GPR85: variants seen among roughly 807,000 people sequenced by gnomAD.
GPR85 encodes G protein-coupled receptor 85.
In GPR85, 7 loss-of-function variants were observed where a neutral mutation model predicts 21.3. The ratio of observed to expected loss-of-function variants is 0.33; its 90% CI spans 0.19 to 0.62. GPR85 has a LOEUF of 0.62. GPR85 is among the 20% of genes least tolerant of loss of function. The pLI is 0.80. For synonymous variants in GPR85, 167 were observed against 166.1 expected (o/e 1.01, Z -0.04); for missense variants, 299 against 443.8 (o/e 0.67, Z 2.93).
Position 113,086,424 on chromosome 7 carries a change from GTTTTTT to G in GPR85, c.-397_-392del, listed in dbSNP as rs1245422095. The G allele has an allele frequency of 2.2e-4, 14 of 63,866 alleles. No homozygotes were observed. Among genetic ancestry groups the G allele is most frequent in the African/African-American group, 6.6e-4 (10 of 15,246 alleles). The allele number at this position is 63,866 out of a possible 1,614,324, so 4.0% of individuals were successfully genotyped here. A position where few individuals can be genotyped will look rare whatever the true frequency, so the allele number is the denominator to read the frequency against. ...TTTTTTTTTTTTTTTTTTGTTTTTT[GTTTTTT>G]TTTTTTTTTTTTTTGCCTTAGTGCC... is the stretch of plus-strand genomic sequence containing the variant. On this transcript the variant is annotated 5_prime_UTR_variant, in exon 1 of 3. Coordinates refer to ENST00000424100, the MANE Select transcript of GPR85 (RefSeq NM_001146267.2).
chr7:113,085,423 A>T (rs140647834), intron 2 of GPR85, among the ~76,000 whole-genome samples: 386 of 152,264 alleles, frequency 2.5e-3, no homozygotes, highest in Admixed American at 6.2e-3. Flanking sequence ...ATTAATAGGA[A>T]CTTACTTGTC....
chr7:113,083,633 T>G lies in GPR85; in HGVS notation c.1089A>C (p.Pro363=), dbSNP rs765151967. 52 of 1,613,952 alleles carry G rather than the reference T, an allele frequency of 3.2e-5. No individual in the cohort carries two copies. The highest frequency in any genetic ancestry group is 4.4e-5 in the Non-Finnish European group (52 of 1,179,884). ...TLLYCRKSRL[P]REPYCVI ...CTCATATAACACAGTAAGGTTCCCT[T>G]GGTAACCTGGATTTTCTGCAGTAAA... is the stretch of plus-strand genomic sequence containing the variant. The change falls in exon 3 of 3, where the codon CCA becomes CCC. Residue 363 remains proline, a synonymous_variant. Coordinates refer to ENST00000424100, the MANE Select transcript of GPR85 (RefSeq NM_001146267.2). This position sits in a 1 kb window ranked among gnomAD's most constrained non-coding sequence, Gnocchi z 4.4.
rs1235112084 is a variant in GPR85, at chr7:113,084,230, T to C, written c.492A>G (p.Ser164=). The change falls in exon 3 of 3, where the codon TCA becomes TCG. Residue 164 remains serine, a synonymous_variant. Transcript: ENST00000424100. Reference sequence around the variant, plus strand: ...TGCATTGATCTTCCTCCCTAATGAATGAGTAAGTGCCCACGTCTAAAACCG... The same window carrying C: ...TGCATTGATCTTCCTCCCTAATGAACGAGTAAGTGCCCACGTCTAAAACCG... ...FPPVLDVGTY[S]FIREEDQCTF... 1 of 1,614,038 alleles carries C rather than the reference T, an allele frequency of 6.2e-7. No individual in the cohort carries two copies. The highest frequency in any genetic ancestry group is 8.5e-7 in the Non-Finnish European group (1 of 1,180,010).
upstream of GPR85, chr7:113,087,644 A>G (rs1430321616): frequency 6.5e-6 from 1 of 154,308 alleles, no homozygotes; most frequent in East Asian, 1.9e-4. Flanking sequence ...CCCAATGTAA[A>G]ACGTCTGCTT....
chr7:113,082,905 A>T lies in GPR85; in HGVS notation c.*704T>A, dbSNP rs3800571. On this transcript the variant is annotated 3_prime_UTR_variant, in exon 3 of 3. Transcript: ENST00000424100. ...TTGTAAAATATAAATGAATTGGAAA[A>T]ACTTTATACCAAATCAACAAAAACC... 6.6e-6 allele frequency: 1 copy of T among 152,586 alleles called. No individual in the cohort carries two copies. The highest frequency in any genetic ancestry group is 1.9e-4 in the East Asian group (1 of 5,198). 9.5% of individuals were successfully genotyped at this position (152,586 alleles called of 1,614,324 possible).
rs758248927 is a variant in GPR85, at chr7:113,084,663, G to A, written c.59C>T (p.Ala20Val). The change falls in exon 3 of 3, where the codon GCC (alanine) becomes GTC (valine). Residue 20 changes from alanine (A) to valine (V), a missense_variant. This residue lies in a region of GPR85 where 101 missense variants were observed against 108.4 expected (regional missense o/e 0.93). Transcript: ENST00000424100. ...NILQNLSPLT[A>V]FLKLTSLGFI... The stretch of plus-strand genomic sequence containing the variant: ...ACCCAAGGAAGTCAGTTTCAGAAAG[G>A]CTGTTAGAGGCGAGAGATTTTGCAA... The A allele has an allele frequency of 6.2e-7, 1 of 1,613,528 alleles. No individual in the cohort carries two copies. Among genetic ancestry groups the A allele is most frequent in the South Asian group, 1.1e-5 (1 of 91,068 alleles).
chr7:113,086,155 T>C, intron 1 of GPR85, 46 bp from the exon 2 acceptor site: 1 of 145,840 alleles, frequency 6.9e-6, no homozygotes, highest in Non-Finnish European at 1.5e-5. Flanking sequence ...CAGTTTATTG[T>C]CACAAAACAC....
chr7:113,084,893 T>TCAA lies in GPR85; in HGVS notation c.-170-3_-170-2insTTG. The TCAA allele has an allele frequency of 3.6e-6, 1 of 278,018 alleles. No homozygotes were observed. Among genetic ancestry groups the TCAA allele is most frequent in the East Asian group, 5.7e-5 (1 of 17,486 alleles). The allele number at this position is 278,018 out of a possible 1,614,324, so 17.2% of individuals were successfully genotyped here. ...CCACTTGTTTTGCCATCAGAATATC[T>TCAA]GAAAAAAAAAAAAAAAAAAACCTAT... On this transcript the variant is annotated splice_region_variant and splice_polypyrimidine_tract_variant and intron_variant, in intron 2 of 2. Coordinates refer to ENST00000424100, the MANE Select transcript of GPR85 (RefSeq NM_001146267.2).
At position 113,086,430 on chromosome 7, in the gene GPR85, T is replaced by TTTTTTTTTTG. The variant is rs1794301083; in HGVS notation, c.-398_-397insCAAAAAAAAA. ...TTTTTTTTTTTTGTTTTTTGTTTTT[T>TTTTTTTTTTG]TTTTTTTTTTTTTTGCCTTAGTGCC... On this transcript the variant is annotated 5_prime_UTR_variant, in exon 1 of 3. An upstream open reading frame in the 5' UTR gains an earlier in-frame stop. Coordinates refer to ENST00000424100, the MANE Select transcript of GPR85 (RefSeq NM_001146267.2). 5 of 106,552 alleles carry TTTTTTTTTTG rather than the reference T, an allele frequency of 4.7e-5. No homozygotes were observed. Among genetic ancestry groups the TTTTTTTTTTG allele is most frequent in the Admixed American group, 9.3e-5 (1 of 10,744 alleles). The allele number at this position is 106,552 out of a possible 1,614,324, so 6.6% of individuals were successfully genotyped here. A position where few individuals can be genotyped will look rare whatever the true frequency, so the allele number is the denominator to read the frequency against.
rs758248927 is a variant in GPR85, at chr7:113,084,663, G to C, written c.59C>G (p.Ala20Gly). 8 of 1,613,410 alleles carry C rather than the reference G, an allele frequency of 5.0e-6. No homozygotes were observed. The highest frequency in any genetic ancestry group is 2.2e-5 in the East Asian group (1 of 44,892). ...ACCCAAGGAAGTCAGTTTCAGAAAG[G>C]CTGTTAGAGGCGAGAGATTTTGCAA... ...NILQNLSPLT[A>G]FLKLTSLGFI... Residue 20 changes from alanine to glycine, a missense_variant, in exon 3 of 3, where the codon GCC (alanine) becomes GGC (glycine). Transcript: ENST00000424100.
In GPR85 at chr7:113,084,763, T is replaced by A. The variant is rs1457838279; in HGVS notation, c.-42A>T. 1 of 1,446,196 alleles carries A rather than the reference T, an allele frequency of 6.9e-7. No homozygotes were observed. Among genetic ancestry groups the A allele is most frequent in the African/African-American group, 1.4e-5 (1 of 71,016 alleles). 89.6% of individuals were successfully genotyped at this position (1,446,196 alleles called of 1,614,324 possible). Reference sequence around the variant, plus strand: ...AGGATACAGCCTCAGTCAAGTCTCATGATCTAGATATAAGAACAAGGAAAA... The same window carrying A: ...AGGATACAGCCTCAGTCAAGTCTCAAGATCTAGATATAAGAACAAGGAAAA... On this transcript the variant is annotated 5_prime_UTR_variant, in exon 3 of 3. An upstream start codon of the reference 5' UTR is lost. Transcript: ENST00000424100.
chr7:113,083,562 G>C lies in GPR85; in HGVS notation c.*47C>G. The C allele has an allele frequency of 6.6e-7, 1 of 1,525,484 alleles. No homozygotes were observed. Among genetic ancestry groups the C allele is most frequent in the Non-Finnish European group, 8.9e-7 (1 of 1,123,812 alleles). 94.5% of individuals were successfully genotyped at this position (1,525,484 alleles called of 1,614,324 possible). A position where few individuals can be genotyped will look rare whatever the true frequency, so the allele number is the denominator to read the frequency against. On this transcript the variant is annotated 3_prime_UTR_variant, in exon 3 of 3. Coordinates refer to ENST00000424100, the MANE Select transcript of GPR85 (RefSeq NM_001146267.2). The surrounding 1 kb of genome is among the most constrained non-coding windows in gnomAD (Gnocchi z 4.4). ...TATGGCTATGGGCCACAATTGCTCA[G>C]CAGAGAAGGTTAGTTTTCACAAGGC...
rs2115754084 is a variant in GPR85, at chr7:113,083,835, G to T, written c.887C>A (p.Thr296Asn). 6.2e-7 allele frequency: 1 copy of T among 1,614,156 alleles called. No homozygotes were observed. The highest frequency in any genetic ancestry group is 2.2e-5 in the East Asian group (1 of 44,880). Residue 296 changes from threonine (T) to asparagine (N), a missense_variant, in exon 3 of 3, where the codon ACC (threonine) becomes AAC (asparagine). Physicochemically the swap from Thr to Asn is moderately conservative, Grantham distance 65. Coordinates refer to ENST00000424100, the MANE Select transcript of GPR85 (RefSeq NM_001146267.2). This position sits in a 1 kb window ranked among gnomAD's most constrained non-coding sequence, Gnocchi z 4.4. ...MFYIMTFLFL[T>N]LWGPYLVACY... The stretch of plus-strand genomic sequence containing the variant: ...GGCCACCAGGTAGGGGCCCCACAAG[G>T]TTAGAAACAGAAAAGTCATTATATA...
Position 113,084,795 on chromosome 7 carries a change from T to G in GPR85, c.-74A>C, listed in dbSNP as rs1794230647. The stretch of plus-strand genomic sequence containing the variant: ...GATATAAGAACAAGGAAAAGATAGA[T>G]CCATACATTTTACTGAAAATATAAT... On this transcript the variant is annotated 5_prime_UTR_variant, in exon 3 of 3. Transcript: ENST00000424100. 9.4e-7 allele frequency: 1 copy of G among 1,063,654 alleles called. No individual in the cohort carries two copies. Among genetic ancestry groups the G allele is most frequent in the African/African-American group, 1.6e-5 (1 of 62,078 alleles). 65.9% of individuals were successfully genotyped at this position (1,063,654 alleles called of 1,614,324 possible).
rs1794299341 is a variant in GPR85, at chr7:113,086,426, T to TTTTTTTTTTTTTTTTTTTTG, written c.-394_-393insCAAAAAAAAAAAAAAAAAAA. 4 of 99,926 alleles carry TTTTTTTTTTTTTTTTTTTTG rather than the reference T, an allele frequency of 4.0e-5. No homozygotes were observed. The highest frequency in any genetic ancestry group is 1.7e-4 in the African/African-American group (4 of 23,608). 6.2% of individuals were successfully genotyped at this position (99,926 alleles called of 1,614,324 possible). On this transcript the variant is annotated 5_prime_UTR_variant, in exon 1 of 3. The change abolishes the stop of an existing upstream ORF in the 5' untranslated region. Transcript: ENST00000424100. ...TTTTTTTTTTTTTTTTGTTTTTTGT[T>TTTTTTTTTTTTTTTTTTTTG]TTTTTTTTTTTTTTTTTTGCCTTAG...
rs1562996814 is a variant in GPR85 at position 113,086,410 on chromosome 7, T to TTTTTTG, written c.-378_-377insCAAAAA. ...TTTTTCTTTTTCTTTTTTTTTTTTT[T>TTTTTTG]TTTTTTGTTTTTTGTTTTTTTTTTT... On this transcript the variant is annotated 5_prime_UTR_variant, in exon 1 of 3. Transcript: ENST00000424100. 11 of 95,334 alleles carry TTTTTTG rather than the reference T, an allele frequency of 1.2e-4. No individual in the cohort carries two copies. The highest frequency in any genetic ancestry group is 4.7e-4 in the African/African-American group (11 of 23,652). The allele number at this position is 95,334 out of a possible 1,614,324, so 5.9% of individuals were successfully genotyped here. A position where few individuals can be genotyped will look rare whatever the true frequency, so the allele number is the denominator to read the frequency against.
chr7:113,086,827 C>A lies in GPR85; in HGVS notation c.-794G>T, dbSNP rs888113305. ...TCCCAAAGGCAGCGCACGAGGAAGT[C>A]ACAGTGCCCGTGACGCCCGCCCCCT... On this transcript the variant is annotated 5_prime_UTR_variant, in exon 1 of 3. Transcript: ENST00000424100. Among the ~76,000 whole-genome samples the A allele has an allele frequency of 6.6e-6, 1 of 152,088 alleles. No homozygotes were observed. Among genetic ancestry groups the A allele is most frequent in the Non-Finnish European group, 1.5e-5 (1 of 68,022 alleles).
chr7:113,086,396 C>CTTTTTTTTTTTTTTTTTTGT lies in GPR85; in HGVS notation c.-364_-363insACAAAAAAAAAAAAAAAAAA, dbSNP rs1794283693. ...CTGATTTTTTTCTTTTTTTCTTTTTCTTTTTTTTTTTTTTTTTTTTGTTTT... is the reference window on the plus strand; with the variant it reads ...CTGATTTTTTTCTTTTTTTCTTTTTCTTTTTTTTTTTTTTTTTTGTTTTTTTTTTTTTTTTTTTTTGTTTT... On this transcript the variant is annotated 5_prime_UTR_variant, in exon 1 of 3. The change abolishes the stop of an existing upstream ORF in the 5' untranslated region. Coordinates refer to ENST00000424100, the MANE Select transcript of GPR85 (RefSeq NM_001146267.2). 12 of 48,074 alleles carry CTTTTTTTTTTTTTTTTTTGT rather than the reference C, an allele frequency of 2.5e-4. 2 individuals are homozygous for CTTTTTTTTTTTTTTTTTTGT. Among genetic ancestry groups the CTTTTTTTTTTTTTTTTTTGT allele is most frequent in the Admixed American group, 7.2e-4 (2 of 2,774 alleles). 3.0% of individuals were successfully genotyped at this position (48,074 alleles called of 1,614,324 possible).
chr7:113,086,426 T>TTTTTTTTTTTTTTTG lies in GPR85; in HGVS notation c.-394_-393insCAAAAAAAAAAAAAA. On this transcript the variant is annotated 5_prime_UTR_variant, in exon 1 of 3. Coordinates refer to ENST00000424100, the MANE Select transcript of GPR85 (RefSeq NM_001146267.2). The stretch of plus-strand genomic sequence containing the variant: ...TTTTTTTTTTTTTTTTGTTTTTTGT[T>TTTTTTTTTTTTTTTG]TTTTTTTTTTTTTTTTTTGCCTTAG... 1 of 99,918 alleles carries TTTTTTTTTTTTTTTG rather than the reference T, an allele frequency of 1.0e-5. No homozygotes were observed. The highest frequency in any genetic ancestry group is 4.2e-5 in the African/African-American group (1 of 23,652). 6.2% of individuals were successfully genotyped at this position (99,918 alleles called of 1,614,324 possible).
Sources: gnomAD v4.1 joint callset for allele counts (sites outside exome capture counted in the v4.1 genomes callset) on GRCh38, gnomAD v4.1.1 for gene constraint, gnomAD v4.1.1 regional missense constraint, Gnocchi (gnomAD v3.1) non-coding constraint, MANE v1.5 for transcripts, NCBI Gene and HGNC (gene_info 2026-07-23, HGNC 2026-07-21) for gene names.